Variants in SLC8A2 observed in about 807,000 individuals in gnomAD.
SLC8A2 encodes sodium/calcium exchanger 2.
Under a neutral mutation model 70.2 loss-of-function variants are expected in SLC8A2, and 14 were observed. That is an observed-to-expected ratio of 0.20 (90% CI 0.13 to 0.31). SLC8A2 has a LOEUF of 0.31. Ranked by LOEUF, SLC8A2 falls within the 10% of genes least tolerant of loss-of-function variation. SLC8A2 has a pLI of 1.00. For synonymous variants in SLC8A2, 575 were observed against 594.3 expected (o/e 0.97, Z 0.47); for missense variants, 779 against 1,320.1 (o/e 0.59, Z 6.35).
At chr19:47,443,438 A>G (rs1967122387) in intron 4 of SLC8A2, among the ~76,000 whole-genome samples, 1 of 152,202 alleles carries the variant, frequency 6.6e-6, no homozygotes, top group Admixed American at 6.5e-5. Context: ...TAGTCCCACA[A>G]GGCCTGGCCC....
At chr19:47,459,462 A>G (rs1483562518) in intron 2 of SLC8A2, among the ~76,000 whole-genome samples, 1 of 150,826 alleles carries the variant, frequency 6.6e-6, no homozygotes, top group Non-Finnish European at 1.5e-5. Flanking sequence ...GTTTCTCCAG[A>G]GCTACTTTTC....
Position 47,449,895 on chromosome 19 carries a change from G to A in SLC8A2, c.1341-1664C>T, listed in dbSNP as rs555794910. ...TGAGGAAGGAGCCCTGTGAAGCTTCGTTCCGAGCAGAGGAGGGACACGAGC... is the reference window on the plus strand; with the variant it reads ...TGAGGAAGGAGCCCTGTGAAGCTTCATTCCGAGCAGAGGAGGGACACGAGC... On this transcript the variant is annotated intron_variant, in intron 3 of 9. Transcript: ENST00000236877. 1.4e-4 allele frequency among the ~76,000 whole-genome samples: 21 copies of A among 152,228 alleles called. No homozygotes were observed. The South Asian group carries it at 3.9e-3, about 29-fold the overall frequency.
intron 4 of SLC8A2, among the ~76,000 whole-genome samples, chr19:47,446,482 G>A (rs1033682857): frequency 1.8e-4 from 27 of 152,094 alleles, no homozygotes; most frequent in African/African-American, 6.0e-4. Context: ...AGGCTGGAGT[G>A]CAGTGGGTGA....
At chr19:47,464,624 C>T (rs1387811927) in intron 2 of SLC8A2, among the ~76,000 whole-genome samples, 1 of 152,198 alleles carries the variant, frequency 6.6e-6, no homozygotes, top group Non-Finnish European at 1.5e-5. Flanking sequence ...TCCTCCTTCA[C>T]AGAAAACCCA....
At chr19:47,439,647 C>CT (rs1967076116) in intron 6 of SLC8A2, among the ~76,000 whole-genome samples, 1 of 85,838 alleles carries the variant, frequency 1.2e-5, no homozygotes, top group South Asian at 3.2e-4. Flanking sequence ...CCTTCCTCCC[C>CT]TCCCTCCCTC....
chr19:47,451,308 C>CTTTTTTTTTTTTTTTT (rs1555749092), intron 3 of SLC8A2, among the ~76,000 whole-genome samples: 11 of 150,360 alleles, frequency 7.3e-5, no homozygotes, highest in African/African-American at 2.7e-4. Flanking sequence ...GCGCCCAGAC[C>CTTTTTTTTTTTTTTTT]TTTTTTTTGT....
chr19:47,430,211 C>T lies in SLC8A2; in HGVS notation c.2644G>A (p.Gly882Ser). The T allele has an allele frequency of 6.2e-7, 1 of 1,607,140 alleles. No individual in the cohort carries two copies. The highest frequency in any genetic ancestry group is 8.5e-7 in the Non-Finnish European group (1 of 1,176,714). The change falls in exon 10 of 10, where the codon GGC (glycine) becomes AGC (serine). Residue 882 changes from glycine to serine, a missense_variant. Gly to Ser is a moderately conservative substitution (Grantham distance 56). Coordinates refer to ENST00000236877, the MANE Select transcript of SLC8A2 (RefSeq NM_015063.3). The surrounding 1 kb of genome is among the most constrained non-coding windows in gnomAD (Gnocchi z 5.9). Reference protein sequence around the residue: ...VLLYRRRPHIGGELGGPRGPK... With the variant: ...VLLYRRRPHISGELGGPRGPK... ...CCGCGCGGGCCGCCCAGCTCGCCGCCGATGTGCGGCCGGCGCCGGTACAGC... is the reference window on the plus strand; with the variant it reads ...CCGCGCGGGCCGCCCAGCTCGCCGCTGATGTGCGGCCGGCGCCGGTACAGC...
In SLC8A2 at chr19:47,456,916, C is replaced by T. The variant is rs1967310843; in HGVS notation, c.1340+14G>A. The T allele has an allele frequency of 6.3e-7, 1 of 1,576,420 alleles. No individual in the cohort carries two copies. The highest frequency in any genetic ancestry group is 2.3e-5 in the East Asian group (1 of 43,090). On this transcript the variant is annotated intron_variant, in intron 3 of 9. Coordinates refer to ENST00000236877, the MANE Select transcript of SLC8A2 (RefSeq NM_015063.3). ...CGCCAGCCCCCTGCACACCCCCCAC[C>T]CCGGGGGACCCACCTGTACTCGTAG...
At chr19:47,443,436 C>T (rs1967122322) in intron 4 of SLC8A2, among the ~76,000 whole-genome samples, 1 of 152,216 alleles carries the variant, frequency 6.6e-6, no homozygotes, top group Non-Finnish European at 1.5e-5. Context: ...TGTAGTCCCA[C>T]AAGGCCTGGC....
Position 47,432,979 on chromosome 19 carries a change from A to C in SLC8A2, c.2111-534T>G, listed in dbSNP as rs190014490. Among the ~76,000 whole-genome samples, 1 of 152,142 alleles carries C rather than the reference A, an allele frequency of 6.6e-6. No homozygotes were observed. The highest frequency in any genetic ancestry group is 1.5e-5 in the Non-Finnish European group (1 of 68,010). ...GAATCCCTTGAAGCTAGGAGCATGA[A>C]TGGACCCAGGTGAAAAATATTTAGT... is the stretch of plus-strand genomic sequence containing the variant. On this transcript the variant is annotated intron_variant, in intron 8 of 9. Coordinates refer to ENST00000236877, the MANE Select transcript of SLC8A2 (RefSeq NM_015063.3). This position sits in a 1 kb window ranked among gnomAD's most constrained non-coding sequence, Gnocchi z 6.2.
At chr19:47,471,367 G>A (rs1313485989) in intron 1 of SLC8A2, among the ~76,000 whole-genome samples, 1 of 152,080 alleles carries the variant, frequency 6.6e-6, no homozygotes, top group Non-Finnish European at 1.5e-5. Context: ...GAGAGAGGGA[G>A]ACAGGAGTGA....
chr19:47,457,505 G>A lies in SLC8A2; in HGVS notation c.765C>T (p.Tyr255=), dbSNP rs1343377843. The part of the protein sequence containing the change: ...MADKRLLFYK[Y]VYKRYRTDPR... ...GGTCGGTGCGGTAGCGCTTGTACAC[G>A]TACTTGTAGAAGAGCAGCCGCTTGT... The change falls in exon 3 of 10, where the codon TAC becomes TAT. Residue 255 remains tyrosine (Y), a synonymous_variant. Coordinates refer to ENST00000236877, the MANE Select transcript of SLC8A2 (RefSeq NM_015063.3). 10 of 1,606,730 alleles carry A rather than the reference G, an allele frequency of 6.2e-6. No individual in the cohort carries two copies. Among genetic ancestry groups the A allele is most frequent in the Admixed American group, 1.7e-5 (1 of 59,092 alleles).
chr19:47,463,663 GAGAA>G (rs1967423983), intron 2 of SLC8A2, among the ~76,000 whole-genome samples: 1 of 145,494 alleles, frequency 6.9e-6, no homozygotes, highest in African/African-American at 2.6e-5. Context: ...CAGAGCGACA[GAGAA>G]AGACTCTGTC....
chr19:47,435,494 G>T lies in SLC8A2; in HGVS notation c.2110+1968C>A, dbSNP rs535365946. ...CCTTGCCATCTCCCCGTTGTTCGTG[G>T]AATGAACCTCAAAGGAGCCTCTGCA... On this transcript the variant is annotated intron_variant, in intron 8 of 9. Transcript: ENST00000236877. Among the ~76,000 whole-genome samples, 10 of 150,388 alleles carry T rather than the reference G, an allele frequency of 6.6e-5. No homozygotes were observed. In the South Asian group the frequency reaches 2.1e-3, roughly 32 times the overall value.
At chr19:47,471,202 CAGAG>C (rs1014603294) in intron 1 of SLC8A2, among the ~76,000 whole-genome samples, 1 of 148,982 alleles carries the variant, frequency 6.7e-6, no homozygotes, top group Admixed American at 6.7e-5. Flanking sequence ...AAAGCAGAGA[CAGAG>C]AGAGACACAG....
At chr19:47,450,951 C>T (rs1418784403) in intron 3 of SLC8A2, among the ~76,000 whole-genome samples, 2 of 149,728 alleles carry the variant, frequency 1.3e-5, no homozygotes, top group African/African-American at 2.5e-5. Flanking sequence ...GGATATGAGA[C>T]ATTTACATGT....
At chr19:47,453,206 T>C (rs1967265565) in intron 3 of SLC8A2, among the ~76,000 whole-genome samples, 1 of 152,196 alleles carries the variant, frequency 6.6e-6, no homozygotes, top group Non-Finnish European at 1.5e-5. Flanking sequence ...TGTGAACCTG[T>C]GGGAAACTTA....
intron 2 of SLC8A2, among the ~76,000 whole-genome samples, chr19:47,464,932 G>A (rs1368541392): frequency 6.6e-6 from 1 of 152,102 alleles, no homozygotes; most frequent in African/African-American, 2.4e-5. Context: ...TGAGAATATA[G>A]GTATAAATTA....
At chr19:47,442,342 T>G (rs942185225) in intron 4 of SLC8A2, among the ~76,000 whole-genome samples, 15 of 152,176 alleles carry the variant, frequency 9.9e-5, no homozygotes, top group African/African-American at 3.6e-4. Context: ...TCAGACCGCA[T>G]TCCTCCCCTG....
Sources: gnomAD v4.1 joint callset for allele counts (sites outside exome capture counted in the v4.1 genomes callset) on GRCh38, gnomAD v4.1.1 for gene constraint, Gnocchi (gnomAD v3.1) non-coding constraint, MANE v1.5 for transcripts, NCBI Gene and HGNC (gene_info 2026-07-23, HGNC 2026-07-21) for gene names.